Variants in RASA3 observed in about 807,000 individuals in gnomAD.
RASA3 encodes the protein ras GTPase-activating protein 3.
In RASA3, 73 loss-of-function variants were observed where a neutral mutation model predicts 110.0. The observed-to-expected ratio is 0.66, with a 90% CI of 0.55 to 0.81. The LOEUF (loss-of-function observed/expected upper bound fraction) is 0.81, where lower values mean the gene tolerates loss of function less well. Ranked by LOEUF, RASA3 falls within the 30% of genes least tolerant of loss-of-function variation. The pLI, the probability that RASA3 is intolerant of heterozygous loss-of-function variation, is 0.00. For missense variants in RASA3, 976 were observed against 1,113.2 expected (o/e 0.88, Z 1.75); for synonymous variants, 500 against 451.4 (o/e 1.11, Z -1.37).
intron 18 of RASA3, among the ~76,000 whole-genome samples, chr13:114,001,146 G>T (rs995553141): frequency 3.3e-5 from 5 of 152,256 alleles, no homozygotes; most frequent in Non-Finnish European, 5.9e-5. Flanking sequence ...TCACCAGTTG[G>T]TGATGGCACC....
chr13:113,980,895 T>A (rs1362222706), intron 23 of RASA3, among the ~76,000 whole-genome samples: 1 of 151,574 alleles, frequency 6.6e-6, no homozygotes, highest in East Asian at 1.9e-4. Flanking sequence ...AGAGGGAGGA[T>A]CGAAGGGAGG....
chr13:114,068,711 T>C (rs1214102200), intron 2 of RASA3, among the ~76,000 whole-genome samples: 2 of 152,136 alleles, frequency 1.3e-5, no homozygotes, highest in Non-Finnish European at 2.9e-5. Flanking sequence ...AGGAAACAAA[T>C]AGTGGCTGCC....
intron 4 of RASA3, among the ~76,000 whole-genome samples, chr13:114,038,437 T>C (rs978266470): frequency 3.9e-5 from 6 of 152,230 alleles, no homozygotes; most frequent in African/African-American, 1.2e-4. Context: ...CACGTGTGGG[T>C]TCCCCAGCCA....
At chr13:114,050,641 C>T (rs1474439567) in intron 3 of RASA3, among the ~76,000 whole-genome samples, 1 of 152,260 alleles carries the variant, frequency 6.6e-6, no homozygotes, top group Non-Finnish European at 1.5e-5. Flanking sequence ...GAGAGCAAGA[C>T]TGGTCAGGAT....
chr13:114,017,250 G>C lies in RASA3; in HGVS notation c.1193C>G (p.Pro398Arg). The change falls in exon 12 of 24, where the codon CCC becomes CGC. Residue 398 changes from proline to arginine, a missense_variant. Pro to Arg is a moderately radical substitution (Grantham distance 103). Coordinates refer to ENST00000334062, the MANE Select transcript of RASA3 (RefSeq NM_007368.4). ...GMHYLHVTLK[P>R]AIEEICQSHK... ...CCCCGTGCTCACCTCCTCGATGGCG[G>C]GCTTCAGGGTGACATGCAGGTAATG... The C allele has an allele frequency of 6.2e-7, 1 of 1,613,546 alleles. No individual in the cohort carries two copies. The highest frequency in any genetic ancestry group is 8.5e-7 in the Non-Finnish European group (1 of 1,179,948).
intron 2 of RASA3, among the ~76,000 whole-genome samples, chr13:114,055,192 T>C (rs1462791097): frequency 1.3e-5 from 2 of 152,222 alleles, no homozygotes; most frequent in Non-Finnish European, 2.9e-5. Context: ...GCATGTGCCA[T>C]GCATGTGCCC....
chr13:114,098,365 C>CCACG (rs2079973099), intron 1 of RASA3, among the ~76,000 whole-genome samples: 1 of 148,158 alleles, frequency 6.7e-6, no homozygotes, highest in Admixed American at 6.7e-5. Context: ...ATCCCAGGGT[C>CCACG]TGCGTGCCCA....
At chr13:114,055,538 G>T (rs1474371882) in intron 2 of RASA3, among the ~76,000 whole-genome samples, 1 of 152,238 alleles carries the variant, frequency 6.6e-6, no homozygotes, top group East Asian at 1.9e-4. Context: ...TCACGACAAG[G>T]CCTCAGGTGA....
chr13:114,041,156 A>G (rs574280359), intron 3 of RASA3, 62 bp from the exon 4 acceptor site: 119 of 1,350,282 alleles, frequency 8.8e-5, no homozygotes, highest in Admixed American at 1.7e-4. Flanking sequence ...GACGCCTGTG[A>G]GCAGAAGCCA....
intron 4 of RASA3, among the ~76,000 whole-genome samples, chr13:114,031,757 T>C (rs762937569): frequency 6.6e-6 from 1 of 152,244 alleles, no homozygotes. Context: ...GGGCTCTGCC[T>C]GGCCCGGCCC....
chr13:114,121,264 G>A (rs117258601), intron 1 of RASA3, among the ~76,000 whole-genome samples: 1,682 of 152,300 alleles, frequency 0.011, 91 homozygotes, highest in Admixed American at 0.086. Flanking sequence ...ACATCCCGCC[G>A]AGCCTCCTGG....
Position 114,056,294 on chromosome 13 carries a change from T to A in RASA3, c.174-4139A>T, listed in dbSNP as rs554891643. Among the ~76,000 whole-genome samples the A allele has an allele frequency of 3.3e-5, 5 of 152,286 alleles. No homozygotes were observed. Among genetic ancestry groups the A allele is most frequent in the African/African-American group, 1.2e-4 (5 of 41,572 alleles). ...GTGTCTGATGCATATTTGGTGCGTG[T>A]CCGGTGCGTGGTGAGGGGCGGTGAG... On this transcript the variant is annotated intron_variant, in intron 2 of 23. Coordinates refer to ENST00000334062, the MANE Select transcript of RASA3 (RefSeq NM_007368.4). The surrounding 1 kb of genome is among the most constrained non-coding windows in gnomAD (Gnocchi z 5.7).
chr13:113,996,038 G>A (rs1482427874), intron 21 of RASA3, among the ~76,000 whole-genome samples: 5 of 127,476 alleles, frequency 3.9e-5, no homozygotes, highest in South Asian at 2.7e-4. Context: ...TGATGGGGGG[G>A]CCCGGCTGAT....
chr13:113,990,619 G>A (rs1054149533), intron 22 of RASA3, among the ~76,000 whole-genome samples: 2 of 152,224 alleles, frequency 1.3e-5, no homozygotes, highest in African/African-American at 4.8e-5. Context: ...CAGTATCCAG[G>A]GACCTCAGAC....
intron 1 of RASA3, among the ~76,000 whole-genome samples, chr13:114,120,840 C>T (rs72659584): frequency 0.27 from 40,883 of 152,242 alleles, 6,299 homozygotes; most frequent in Non-Finnish European, 0.35. Context: ...TTACTAATTA[C>T]GGCTCAAGCA....
intron 1 of RASA3, among the ~76,000 whole-genome samples, chr13:114,087,537 C>G (rs894627468): frequency 9.2e-5 from 14 of 152,330 alleles, no homozygotes; most frequent in Admixed American, 3.9e-4. Flanking sequence ...GCGGGGGCAC[C>G]TGGGAAGGCA....
intron 1 of RASA3, among the ~76,000 whole-genome samples, chr13:114,113,161 TTTC>T (rs968938924): frequency 5.3e-5 from 8 of 152,198 alleles, no homozygotes; most frequent in Non-Finnish European, 1.0e-4. Flanking sequence ...TCCTGGGCTG[TTTC>T]CACGGATGAG....
chr13:114,126,257 C>G (rs1181913327), intron 1 of RASA3, among the ~76,000 whole-genome samples: 6 of 152,240 alleles, frequency 3.9e-5, no homozygotes, highest in African/African-American at 1.4e-4. Flanking sequence ...GGCATGACAC[C>G]ACATCCCCAC....
intron 18 of RASA3, 47 bp from the exon 19 acceptor site, chr13:114,000,979 C>G: frequency 7.6e-7 from 1 of 1,320,886 alleles, no homozygotes; most frequent in Non-Finnish European, 1.1e-6. Flanking sequence ...CAGCTGCCTC[C>G]CTGCACAGGT....
Sources: allele counts gnomAD v4.1 joint callset (sites outside exome capture counted in the v4.1 genomes callset), GRCh38; gene constraint gnomAD v4.1.1; non-coding constraint Gnocchi (gnomAD v3.1); transcripts MANE v1.5; gene names NCBI Gene and HGNC (gene_info 2026-07-23, HGNC 2026-07-21).